MICAL3: variants seen among roughly 807,000 people sequenced by gnomAD.
MICAL3 encodes microtubule associated monooxygenase, calponin and LIM domain containing 3.
MICAL3 carries 62 observed loss-of-function variants against 207.4 expected under a neutral mutation model. That is an observed-to-expected ratio of 0.30 (90% CI 0.24 to 0.37). The LOEUF (loss-of-function observed/expected upper bound fraction) is 0.37. Ranked by LOEUF, MICAL3 falls within the 10% of genes least tolerant of loss-of-function variation. The pLI, the probability that MICAL3 is intolerant of heterozygous loss-of-function variation, is 1.00. For synonymous variants in MICAL3, 1,077 were observed against 1,069.3 expected (o/e 1.01, Z -0.14); for missense variants, 2,368 against 2,635.6 (o/e 0.90, Z 2.22).
intron 1 of MICAL3, among the ~76,000 whole-genome samples, chr22:17,976,533 A>ATGTGTGTGTGTG (rs1278243661): frequency 2.5e-4 from 29 of 115,504 alleles, no homozygotes; most frequent in African/African-American, 9.8e-4. Context: ...ATGTGTATAT[A>ATGTGTGTGTGTG]TATGTGTGTG....
At chr22:17,890,341 C>A (rs1018189888) in intron 12 of MICAL3, among the ~76,000 whole-genome samples, 24 of 152,088 alleles carry the variant, frequency 1.6e-4, no homozygotes, top group Non-Finnish European at 4.4e-5. Flanking sequence ...TCTCCAGGCG[C>A]CCCTCCACCC....
intron 1 of MICAL3, among the ~76,000 whole-genome samples, chr22:18,000,247 G>GA (rs34270568): frequency 2.1e-3 from 84 of 39,982 alleles, no homozygotes; most frequent in South Asian, 2.6e-3. Context: ...AGCTTAGGGG[G>GA]AAAAAAAAAA....
At chr22:17,968,756 T>C (rs1935269656) in intron 1 of MICAL3, among the ~76,000 whole-genome samples, 2 of 152,142 alleles carry the variant, frequency 1.3e-5, no homozygotes, top group Non-Finnish European at 2.9e-5. Context: ...TGACGTAGGA[T>C]ATATGGAAAG....
At chr22:17,847,673 C>T (rs1253422390) in intron 19 of MICAL3, among the ~76,000 whole-genome samples, 1 of 152,226 alleles carries the variant, frequency 6.6e-6, no homozygotes, top group African/African-American at 2.4e-5. Context: ...ATTGAAATGA[C>T]TCATCCATTT....
chr22:17,862,788 C>G (rs1926661741), intron 19 of MICAL3: 6 of 985,376 alleles, frequency 6.1e-6, no homozygotes, highest in Non-Finnish European at 3.6e-6. Flanking sequence ...CTAAGATGTT[C>G]TGGACTCTGA....
intron 7 of MICAL3, 27 bp downstream of exon 7, chr22:17,899,421 G>A: frequency 7.0e-7 from 1 of 1,419,754 alleles, no homozygotes. Context: ...CAATAAGAAA[G>A]AGTTTTGAAG....
chr22:17,950,345 T>G (rs866473200), intron 1 of MICAL3, among the ~76,000 whole-genome samples: 1,893 of 134,538 alleles, frequency 0.014, 21 homozygotes, highest in African/African-American at 0.036. Context: ...TTGTTTTTTT[T>G]TTTTTTTTTT....
intron 1 of MICAL3, among the ~76,000 whole-genome samples, chr22:17,967,930 C>A (rs140875424): frequency 0.026 from 3,891 of 152,152 alleles, 55 homozygotes; most frequent in Middle Eastern, 0.044. Flanking sequence ...GTAATCCCAG[C>A]TACTCAGAAG....
chr22:17,885,737 T>G (rs1462331579), intron 16 of MICAL3, 141 bp downstream of exon 16: 1 of 838,220 alleles, frequency 1.2e-6, no homozygotes, highest in African/African-American at 1.7e-5. Context: ...TCTTCTTTGC[T>G]GCAGTCAGGC....
At chr22:17,855,810 G>C (rs547526722) in intron 19 of MICAL3, among the ~76,000 whole-genome samples, 1 of 152,294 alleles carries the variant, frequency 6.6e-6, no homozygotes, top group Non-Finnish European at 1.5e-5. Flanking sequence ...TATTTTCCAG[G>C]AATAATGAAA....
chr22:17,809,594 C>A (rs557906832), intron 28 of MICAL3, among the ~76,000 whole-genome samples: 11 of 152,192 alleles, frequency 7.2e-5, no homozygotes, highest in South Asian at 6.2e-4. Context: ...AGCGCCACTG[C>A]GCGTCCAGCC....
intron 1 of MICAL3, among the ~76,000 whole-genome samples, chr22:17,926,767 G>A (rs1932941958): frequency 6.6e-6 from 1 of 152,222 alleles, no homozygotes. Flanking sequence ...GCACAGTGCA[G>A]GGTATATTCG....
In MICAL3 at chr22:17,789,193, GC is replaced by G. The variant is rs3842461; in HGVS notation, c.*1538del. 82,763 of 152,138 alleles carry G rather than the reference GC, an allele frequency of 0.54. 23,076 individuals are homozygous for G. The highest frequency in any genetic ancestry group is 0.65 in the African/African-American group (26,799 of 41,472). The allele number at this position is 152,138 out of a possible 1,614,324, so 9.4% of individuals were successfully genotyped here. On this transcript the variant is annotated 3_prime_UTR_variant, in exon 32 of 32. Transcript: ENST00000441493. The stretch of plus-strand genomic sequence containing the variant: ...GTGCCCGTCGCCTTCGGAAGGAAGG[GC>G]GGGAGTCGCTGATCTGCTTGAGAGG...
chr22:17,898,721 T>C (rs576104143), intron 7 of MICAL3, among the ~76,000 whole-genome samples: 4 of 152,264 alleles, frequency 2.6e-5, no homozygotes, highest in African/African-American at 9.6e-5. Flanking sequence ...CTTAAAAAAC[T>C]CTCCTTCAGG....
chr22:17,946,519 C>T (rs1444326412), intron 1 of MICAL3, among the ~76,000 whole-genome samples: 3 of 152,304 alleles, frequency 2.0e-5, no homozygotes, highest in African/African-American at 4.8e-5. Flanking sequence ...TCTGTGAGAA[C>T]ACCCACCTGC....
At chr22:17,917,393 T>C (rs1285609362) in intron 1 of MICAL3, among the ~76,000 whole-genome samples, 1 of 152,204 alleles carries the variant, frequency 6.6e-6, no homozygotes, top group African/African-American at 2.4e-5. Context: ...CCCGTCTGCA[T>C]TTCTGTCACA....
chr22:17,933,728 CA>C lies in MICAL3; in HGVS notation c.-74-26843del, dbSNP rs547146558. On this transcript the variant is annotated intron_variant, in intron 1 of 31. Coordinates refer to ENST00000441493, the MANE Select transcript of MICAL3 (RefSeq NM_015241.3). ...ATCAACAAAATTGATAGAGCACTAG[CA>C]AGATTAATAAAGAAGAAAAGAGAGA... Among the ~76,000 whole-genome samples the C allele has an allele frequency of 6.8e-3, 1,036 of 151,988 alleles. 15 individuals carry two copies. Among genetic ancestry groups the C allele is most frequent in the African/African-American group, 0.023 (959 of 41,446 alleles).
Position 17,791,037 on chromosome 22 carries a change from G to A in MICAL3, c.5785C>T (p.Arg1929Ter), listed in dbSNP as rs1406620658. The A allele has an allele frequency of 3.7e-6, 6 of 1,612,020 alleles. No homozygotes were observed. Among genetic ancestry groups the A allele is most frequent in the Non-Finnish European group, 5.1e-6 (6 of 1,179,782 alleles). ...CGTTCCCGGAGCTCCTGCTGCAGTC[G>A]ACTCTGCCGGTCTTCCAGCTCCAGC... ...RELELEDRQSRLQQELRERMA... is the reference protein window; with the variant it reads ...RELELEDRQS Residue 1929 changes from arginine (R) to a stop codon, truncating the protein, a stop_gained, in exon 31 of 32, where the codon CGA (arginine) becomes TGA (stop). Transcript: ENST00000441493. LOFTEE classifies it high-confidence loss of function.
At position 17,900,864 on chromosome 22, in the gene MICAL3, G is replaced by A. The variant is rs751882070; in HGVS notation, c.825C>T (p.Phe275=). The A allele has an allele frequency of 3.1e-6, 5 of 1,613,936 alleles. No individual in the cohort carries two copies. In the South Asian group the frequency reaches 5.5e-5, roughly 18 times the overall value. The stretch of plus-strand genomic sequence containing the variant: ...AACCTGTGGCTTCCCTCAGTTCCTG[G>A]AAAAATTTTTGGTTGAATATAAAAG... ...GVAFIFNQKF[F]QELREATGID... The change falls in exon 6 of 32, where the codon TTC becomes TTT. Residue 275 remains phenylalanine (F), a synonymous_variant. Coordinates refer to ENST00000441493, the MANE Select transcript of MICAL3 (RefSeq NM_015241.3). The surrounding 1 kb of genome is among the most constrained non-coding windows in gnomAD (Gnocchi z 4.0).
Sources: allele counts gnomAD v4.1 joint callset (sites outside exome capture counted in the v4.1 genomes callset), GRCh38; gene constraint gnomAD v4.1.1; non-coding constraint Gnocchi (gnomAD v3.1); transcripts MANE v1.5; gene names NCBI Gene and HGNC (gene_info 2026-07-23, HGNC 2026-07-21).